CAMKK1: variants seen among roughly 807,000 people sequenced by gnomAD.
CAMKK1 encodes calcium/calmodulin-dependent protein kinase kinase 1.
Under a neutral mutation model 63.5 loss-of-function variants are expected in CAMKK1, and 20 were observed. That is an observed-to-expected ratio of 0.32 (90% CI 0.22 to 0.46). The LOEUF (loss-of-function observed/expected upper bound fraction) is 0.46. Among genes scored for constraint, CAMKK1 ranks in the 20% least tolerant of loss-of-function variants. The pLI is 1.00. For synonymous variants in CAMKK1, 253 were observed against 269.0 expected (o/e 0.94, Z 0.58); for missense variants, 588 against 658.1 (o/e 0.89, Z 1.17).
intron 2 of CAMKK1, 70 bp downstream of exon 2, chr17:3,885,258 G>C (rs2055592773): frequency 3.4e-6 from 5 of 1,461,310 alleles, no homozygotes; most frequent in Middle Eastern, 2.3e-4. Context: ...GCACAGACAG[G>C]GGCAGGAAAG....
chr17:3,873,590 C>G (rs2055000876), intron 10 of CAMKK1, 128 bp from the exon 11 acceptor site: 1 of 885,096 alleles, frequency 1.1e-6, no homozygotes, highest in East Asian at 2.5e-5. Flanking sequence ...TCGACAAACA[C>G]TCCGCGGTAC....
In CAMKK1 at chr17:3,889,393, C is replaced by T. The variant is rs559112129; in HGVS notation, c.-44+3546G>A. Among the ~76,000 whole-genome samples, 33 of 152,120 alleles carry T rather than the reference C, an allele frequency of 2.2e-4. No individual in the cohort carries two copies. The highest frequency in any genetic ancestry group is 4.3e-4 in the Non-Finnish European group (29 of 68,002). On this transcript the variant is annotated intron_variant, in intron 1 of 15. Coordinates refer to ENST00000348335, the MANE Select transcript of CAMKK1 (RefSeq NM_032294.3). The surrounding 1 kb of genome is among the most constrained non-coding windows in gnomAD (Gnocchi z 5.2). ...ATGGGCACTGGCTTAGTCCTGCGGCCGTGAACAGCCAGACTCAAGCCCTCC... is the reference window on the plus strand; with the variant it reads ...ATGGGCACTGGCTTAGTCCTGCGGCTGTGAACAGCCAGACTCAAGCCCTCC...
rs1284337120 is a variant in CAMKK1 at position 3,861,347 on chromosome 17, G to A, written c.*864C>T. 1 of 152,346 alleles carries A rather than the reference G, an allele frequency of 6.6e-6. No individual in the cohort carries two copies. Among genetic ancestry groups the A allele is most frequent in the African/African-American group, 2.4e-5 (1 of 41,470 alleles). The allele number at this position is 152,346 out of a possible 1,614,324, so 9.4% of individuals were successfully genotyped here. On this transcript the variant is annotated 3_prime_UTR_variant, in exon 16 of 16. Transcript: ENST00000348335. Reference sequence around the variant, plus strand: ...CGTCCATGGCCCTCGGTCAAAGTCAGCCCTGGTGTCTTCTCCAGCCTCAGC... The same window carrying A: ...CGTCCATGGCCCTCGGTCAAAGTCAACCCTGGTGTCTTCTCCAGCCTCAGC...
chr17:3,891,235 G>A (rs966723371), intron 1 of CAMKK1, among the ~76,000 whole-genome samples: 4 of 151,372 alleles, frequency 2.6e-5, no homozygotes, highest in Admixed American at 6.6e-5. Flanking sequence ...ATACAGCAGT[G>A]AACCAAAAAG....
intron 15 of CAMKK1, among the ~76,000 whole-genome samples, chr17:3,864,393 C>T (rs553993751): frequency 5.3e-4 from 80 of 152,222 alleles, no homozygotes; most frequent in African/African-American, 1.9e-3. Flanking sequence ...ACTCCAGGTG[C>T]CCGCCACCAC....
chr17:3,886,626 G>A (rs1444124581), intron 1 of CAMKK1, among the ~76,000 whole-genome samples: 2 of 151,736 alleles, frequency 1.3e-5, no homozygotes, highest in Non-Finnish European at 2.9e-5. Flanking sequence ...AGCAAGACTC[G>A]GTTTCAAAAA....
At chr17:3,871,034 C>G (rs2054824348) in intron 12 of CAMKK1, among the ~76,000 whole-genome samples, 2 of 152,142 alleles carry the variant, frequency 1.3e-5, no homozygotes, top group Admixed American at 6.5e-5. Context: ...TTCAGACAAA[C>G]TTCAGGCAAG....
rs758207827 is a variant in CAMKK1, at chr17:3,865,770, T to G, written c.1445+138A>C. 5.5e-6 allele frequency: 8 copies of G among 1,464,990 alleles called. No homozygotes were observed. The South Asian group carries it at 8.2e-5, about 15-fold the overall frequency. The allele number at this position is 1,464,990 out of a possible 1,614,324, so 90.7% of individuals were successfully genotyped here. A position where few individuals can be genotyped will look rare whatever the true frequency, so the allele number is the denominator to read the frequency against. On this transcript the variant is annotated intron_variant, in intron 15 of 15. Coordinates refer to ENST00000348335, the MANE Select transcript of CAMKK1 (RefSeq NM_032294.3). Reference sequence around the variant, plus strand: ...CTAACCTTGGGGACAGAGATGCAAATGGGGCCAACACCGAGACCTGGCCAA... The same window carrying G: ...CTAACCTTGGGGACAGAGATGCAAAGGGGGCCAACACCGAGACCTGGCCAA...
At position 3,861,859 on chromosome 17, in the gene CAMKK1, C is replaced by T; in HGVS notation, c.*352G>A. ...TTGTGGTAAGCCTGGCCTCCACCTG[C>T]CATCTTGGTCTCCTGCCTCTGCCTC... On this transcript the variant is annotated 3_prime_UTR_variant, in exon 16 of 16. Transcript: ENST00000348335. 1 of 318,550 alleles carries T rather than the reference C, an allele frequency of 3.1e-6. No homozygotes were observed. The highest frequency in any genetic ancestry group is 6.0e-6 in the Non-Finnish European group (1 of 166,328). The allele number at this position is 318,550 out of a possible 1,614,324, so 19.7% of individuals were successfully genotyped here. A position where few individuals can be genotyped will look rare whatever the true frequency, so the allele number is the denominator to read the frequency against.
rs541520198 is a variant in CAMKK1, at chr17:3,884,046, C to T, written c.409-109G>A. 9.5e-7 allele frequency: 1 copy of T among 1,048,686 alleles called. No homozygotes were observed. The highest frequency in any genetic ancestry group is 1.5e-6 in the Non-Finnish European group (1 of 689,584). The allele number at this position is 1,048,686 out of a possible 1,614,324, so 65.0% of individuals were successfully genotyped here. On this transcript the variant is annotated intron_variant, in intron 3 of 15. Coordinates refer to ENST00000348335, the MANE Select transcript of CAMKK1 (RefSeq NM_032294.3). This position sits in a 1 kb window ranked among gnomAD's most constrained non-coding sequence, Gnocchi z 4.5. ...TGGTCTCTCCTGCACCCCATCTGCA[C>T]TACCCACCACCAGCTGGCTCACGGG...
intron 15 of CAMKK1, chr17:3,865,468 C>A (rs1325130855): frequency 3.0e-6 from 3 of 1,006,842 alleles, no homozygotes; most frequent in African/African-American, 1.7e-5. Context: ...GAGGGGCCAG[C>A]ACCCCTCCTC....
intron 11 of CAMKK1, among the ~76,000 whole-genome samples, chr17:3,873,186 T>C (rs1239829855): frequency 6.6e-6 from 1 of 152,198 alleles, no homozygotes; most frequent in Non-Finnish European, 1.5e-5. Context: ...AACACCATCG[T>C]CGGCACCTCC....
intron 8 of CAMKK1, among the ~76,000 whole-genome samples, chr17:3,880,713 G>C (rs1045004508): frequency 6.6e-6 from 1 of 151,372 alleles, no homozygotes; most frequent in Non-Finnish European, 1.5e-5. Context: ...ATGCCATTTA[G>C]AGCACTGTTT....
At position 3,884,368 on chromosome 17, in the gene CAMKK1, G is replaced by T; in HGVS notation, c.408+12C>A. 1 of 1,613,486 alleles carries T rather than the reference G, an allele frequency of 6.2e-7. No homozygotes were observed. Among genetic ancestry groups the T allele is most frequent in the Non-Finnish European group, 8.5e-7 (1 of 1,179,604 alleles). On this transcript the variant is annotated intron_variant, in intron 3 of 15. Transcript: ENST00000348335. This position sits in a 1 kb window ranked among gnomAD's most constrained non-coding sequence, Gnocchi z 4.5. ...CCGAAGCCCCCACTGCTCTCGGCCT[G>T]CCCACTCCTACCTTGCCAATCTCAC...
At position 3,862,656 on chromosome 17, in the gene CAMKK1, G is replaced by A. The variant is rs1422477491; in HGVS notation, c.1446-373C>T. Among the ~76,000 whole-genome samples, 3 of 152,334 alleles carry A rather than the reference G, an allele frequency of 2.0e-5. No individual in the cohort carries two copies. In the East Asian group the frequency reaches 5.8e-4, roughly 29 times the overall value. On this transcript the variant is annotated intron_variant, in intron 15 of 15. Transcript: ENST00000348335. The surrounding 1 kb of genome is among the most constrained non-coding windows in gnomAD (Gnocchi z 4.1). ...GGTTTTGTTGTTGTTTTGAGACAGC[G>A]TCTCGCTCTGTCGTGCAGGCTGCAG... is the stretch of plus-strand genomic sequence containing the variant.
At chr17:3,870,688 A>T (rs1232217637) in intron 12 of CAMKK1, among the ~76,000 whole-genome samples, 1 of 152,146 alleles carries the variant, frequency 6.6e-6, no homozygotes, top group African/African-American at 2.4e-5. Flanking sequence ...CTTTGCCACC[A>T]GTGGTCTTGG....
chr17:3,868,683 C>T lies in CAMKK1; in HGVS notation c.1341+804G>A, dbSNP rs186007534. On this transcript the variant is annotated intron_variant, in intron 14 of 15. Coordinates refer to ENST00000348335, the MANE Select transcript of CAMKK1 (RefSeq NM_032294.3). Reference sequence around the variant, plus strand: ...TCTTTTTTTTTTTGAGATGGAGTCTCGTTCTGTCAACCAGGCTGGAGTGCA... The same window carrying T: ...TCTTTTTTTTTTTGAGATGGAGTCTTGTTCTGTCAACCAGGCTGGAGTGCA... Among the ~76,000 whole-genome samples, 9 of 151,940 alleles carry T rather than the reference C, an allele frequency of 5.9e-5. No homozygotes were observed. In the East Asian group the frequency reaches 7.7e-4, roughly 13 times the overall value.
rs76177402 is a variant in CAMKK1, at chr17:3,872,238, T to C, written c.1124+316A>G. On this transcript the variant is annotated intron_variant, in intron 12 of 15. Transcript: ENST00000348335. ...TGAGTGGGGGAAGGAGAAGTTCCCC[T>C]TGAGTCCAGGGGCTGGGTGGGGCTG... Among the ~76,000 whole-genome samples, 49 of 152,348 alleles carry C rather than the reference T, an allele frequency of 3.2e-4. No individual in the cohort carries two copies. In the East Asian group the frequency reaches 9.5e-3, roughly 29 times the overall value.
In CAMKK1 at chr17:3,889,870, AGCAGGCAGACCCTGCTGCCATCCAC is replaced by A. The variant is rs1214592376; in HGVS notation, c.-44+3044_-44+3068del. Among the ~76,000 whole-genome samples, 1 of 152,212 alleles carries A rather than the reference AGCAGGCAGACCCTGCTGCCATCCAC, an allele frequency of 6.6e-6. No individual in the cohort carries two copies. The highest frequency in any genetic ancestry group is 1.5e-5 in the Non-Finnish European group (1 of 68,036). On this transcript the variant is annotated intron_variant, in intron 1 of 15. Coordinates refer to ENST00000348335, the MANE Select transcript of CAMKK1 (RefSeq NM_032294.3). This position sits in a 1 kb window ranked among gnomAD's most constrained non-coding sequence, Gnocchi z 5.2. ...GCTGCATCCCTCAAAGGAGCCCCAG[AGCAGGCAGACCCTGCTGCCATCCAC>A]GCGGGTTCAAGTAGCTCCACCTGGG...
Sources: allele counts gnomAD v4.1 joint callset (sites outside exome capture counted in the v4.1 genomes callset), GRCh38; gene constraint gnomAD v4.1.1; non-coding constraint Gnocchi (gnomAD v3.1); transcripts MANE v1.5; gene names NCBI Gene and HGNC (gene_info 2026-07-23, HGNC 2026-07-21).